Variants in INPP4B observed in about 807,000 individuals in gnomAD.
The protein encoded by INPP4B is inositol polyphosphate-4-phosphatase type II B.
A neutral mutation model predicts 122.5 loss-of-function variants in INPP4B; 55 were observed. The observed-to-expected ratio is 0.45, with a 90% confidence interval of 0.36 to 0.56. The LOEUF (loss-of-function observed/expected upper bound fraction) is 0.56, where lower values mean the gene tolerates loss of function less well. Among genes scored for constraint, INPP4B ranks in the 20% least tolerant of loss-of-function variants. The probability of loss-of-function intolerance (pLI) is 0.00; values close to 1 mark genes in which losing one functional copy is unlikely to be tolerated. For synonymous variants in INPP4B, 403 were observed against 388.7 expected (o/e 1.04, Z -0.43); for missense variants, 1,000 against 1,097.7 (o/e 0.91, Z 1.26).
intron 2 of INPP4B, among the ~76,000 whole-genome samples, chr4:142,646,937 C>T (rs1009403731): frequency 6.6e-6 from 1 of 152,252 alleles, no homozygotes; most frequent in Non-Finnish European, 1.5e-5. Flanking sequence ...GAAATTTTAA[C>T]ATACTAGGTG....
intron 2 of INPP4B, among the ~76,000 whole-genome samples, chr4:142,699,531 C>T (rs1761448322): frequency 2.0e-5 from 3 of 152,152 alleles, no homozygotes; most frequent in Admixed American, 1.3e-4. Context: ...GAGAAAATCC[C>T]ATAACCATAC....
At chr4:142,469,787 G>A (rs1319441373) in intron 2 of INPP4B, among the ~76,000 whole-genome samples, 2 of 152,112 alleles carry the variant, frequency 1.3e-5, no homozygotes, top group African/African-American at 4.8e-5. Flanking sequence ...GTCTGGTGGG[G>A]AAAAATTAAC....
chr4:142,586,090 G>A (rs1392836172), intron 2 of INPP4B, among the ~76,000 whole-genome samples: 1 of 151,960 alleles, frequency 6.6e-6, no homozygotes, highest in Non-Finnish European at 1.5e-5. Context: ...CAGGCAGATT[G>A]CTTGAACTCA....
chr4:142,368,973 A>G (rs542811926), intron 7 of INPP4B, among the ~76,000 whole-genome samples: 7 of 152,164 alleles, frequency 4.6e-5, no homozygotes, highest in African/African-American at 1.7e-4. Context: ...GAGCTTGGGC[A>G]TTTCTCTACA....
intron 12 of INPP4B, among the ~76,000 whole-genome samples, chr4:142,219,134 G>C (rs78685043): frequency 0.014 from 2,118 of 152,196 alleles, 52 homozygotes; most frequent in African/African-American, 0.049. Context: ...ATTCCAAGTG[G>C]TCATTCACTC....
intron 2 of INPP4B, among the ~76,000 whole-genome samples, chr4:142,704,165 A>G (rs912748816): frequency 1.3e-5 from 2 of 152,166 alleles, no homozygotes; most frequent in Non-Finnish European, 1.5e-5. Flanking sequence ...GTTCCAGAAC[A>G]TGTATGAAGA....
At chr4:142,315,265 T>C (rs1019935106) in intron 7 of INPP4B, among the ~76,000 whole-genome samples, 2 of 152,198 alleles carry the variant, frequency 1.3e-5, no homozygotes, top group African/African-American at 4.8e-5. Flanking sequence ...AAAAATGTTC[T>C]CTGAATGAGC....
chr4:142,230,367 C>T (rs1420267500), intron 12 of INPP4B, among the ~76,000 whole-genome samples: 3 of 152,040 alleles, frequency 2.0e-5, no homozygotes, highest in African/African-American at 7.2e-5. Context: ...AAAACAAGGC[C>T]GGGAGCGGTG....
chr4:142,071,341 T>C (rs1313679899), intron 25 of INPP4B, among the ~76,000 whole-genome samples: 2 of 152,136 alleles, frequency 1.3e-5, no homozygotes. Context: ...TAATTCAAGA[T>C]GGATTAAAGA....
At chr4:142,545,769 GTA>G (rs763825574) in intron 2 of INPP4B, among the ~76,000 whole-genome samples, 17 of 135,334 alleles carry the variant, frequency 1.3e-4, no homozygotes, top group Non-Finnish European at 2.2e-4. Flanking sequence ...GTATATGTGT[GTA>G]TATATATACA....
At chr4:142,029,150 A>G (rs1738202760) in intron 25 of INPP4B, 1 of 1,208,772 alleles carries the variant, frequency 8.3e-7, no homozygotes, top group African/African-American at 1.6e-5. Context: ...AACATTTAAA[A>G]TTTAATAAAC....
At chr4:142,755,933 T>A (rs1770446883) in intron 1 of INPP4B, among the ~76,000 whole-genome samples, 1 of 152,084 alleles carries the variant, frequency 6.6e-6, no homozygotes, top group African/African-American at 2.4e-5. Context: ...AGAATCTCGA[T>A]TTTGTTTAGG....
At chr4:142,513,286 T>A (rs1490934123) in intron 2 of INPP4B, among the ~76,000 whole-genome samples, 1 of 152,118 alleles carries the variant, frequency 6.6e-6, no homozygotes, top group East Asian at 1.9e-4. Context: ...CTTCTCACAG[T>A]TCTGGGGTGT....
chr4:142,739,009 T>C (rs1767497086), intron 1 of INPP4B, among the ~76,000 whole-genome samples: 1 of 152,086 alleles, frequency 6.6e-6, no homozygotes, highest in Non-Finnish European at 1.5e-5. Flanking sequence ...GATGACTTTG[T>C]AGTAATACAG....
chr4:142,028,602 G>T lies in INPP4B; in HGVS notation c.*180C>A. 3.4e-6 allele frequency: 2 copies of T among 594,140 alleles called. No individual in the cohort carries two copies. The highest frequency in any genetic ancestry group is 5.7e-6 in the Non-Finnish European group (2 of 348,896). The allele number at this position is 594,140 out of a possible 1,614,324, so 36.8% of individuals were successfully genotyped here. On this transcript the variant is annotated 3_prime_UTR_variant, in exon 26 of 26. Transcript: ENST00000262992. ...TGAATCATGTAAGATTTTTTAAAATGGATTTCTTTCAGAGCAATATGCTGA... is the reference window on the plus strand; with the variant it reads ...TGAATCATGTAAGATTTTTTAAAATTGATTTCTTTCAGAGCAATATGCTGA...
At chr4:142,047,394 G>A (rs189723531) in intron 25 of INPP4B, among the ~76,000 whole-genome samples, 8 of 152,152 alleles carry the variant, frequency 5.3e-5, no homozygotes, top group African/African-American at 9.6e-5. Flanking sequence ...TGGAAAAAGG[G>A]TATTTTTTCC....
In INPP4B at chr4:142,506,570, C is replaced by T. The variant is rs1284673931; in HGVS notation, c.-190-43844G>A. 3.3e-5 allele frequency among the ~76,000 whole-genome samples: 5 copies of T among 152,102 alleles called. No individual in the cohort carries two copies. The East Asian group carries it at 9.7e-4, about 29-fold the overall frequency. On this transcript the variant is annotated intron_variant, in intron 2 of 25. Transcript: ENST00000262992. The stretch of plus-strand genomic sequence containing the variant: ...CTTACAAGAGCACCAGACAGGGAGA[C>T]ATTGTCTCATTACTTCTGTTTCCTA...
chr4:142,632,140 A>C (rs1390765711), intron 2 of INPP4B, among the ~76,000 whole-genome samples: 1 of 152,166 alleles, frequency 6.6e-6, no homozygotes, highest in African/African-American at 2.4e-5. Context: ...CAGTAAATTA[A>C]GTAGAATTAG....
intron 1 of INPP4B, among the ~76,000 whole-genome samples, chr4:142,749,865 A>G (rs1769388312): frequency 7.8e-6 from 1 of 128,010 alleles, no homozygotes; most frequent in African/African-American, 3.1e-5. Flanking sequence ...TAGTCAAGAA[A>G]ATAAATCAAT....
Sources: allele counts gnomAD v4.1 joint callset (sites outside exome capture counted in the v4.1 genomes callset), GRCh38; gene constraint gnomAD v4.1.1; transcripts MANE v1.5; gene names NCBI Gene and HGNC (gene_info 2026-07-23, HGNC 2026-07-21).